Variants in FAF1 observed in about 807,000 individuals in gnomAD.
The protein encoded by FAF1 is FAS-associated factor 1.
A neutral mutation model predicts 92.5 loss-of-function variants in FAF1; 25 were observed. The ratio of observed to expected loss-of-function variants is 0.27; its 90% CI spans 0.20 to 0.38. The LOEUF is 0.38. Ranked by LOEUF, FAF1 falls within the 10% of genes least tolerant of loss-of-function variation. FAF1 has a pLI of 1.00. For synonymous variants in FAF1, 234 were observed against 273.2 expected (o/e 0.86, Z 1.42); for missense variants, 636 against 793.3 (o/e 0.80, Z 2.38).
In FAF1 at chr1:50,892,979, C is replaced by T. The variant is rs756190777; in HGVS notation, c.46-34982G>A. On this transcript the variant is annotated intron_variant, in intron 1 of 18. Transcript: ENST00000396153. ...TCTGATCAATTCTGCTACTAAAAGA[C>T]TTAAAATGCATTCTTGAGTAGTTCA... Among the ~76,000 whole-genome samples the T allele has an allele frequency of 7.5e-4, 114 of 152,202 alleles. 1 individual carries two copies. The highest frequency in any genetic ancestry group is 1.0e-3 in the Non-Finnish European group (69 of 68,028).
At chr1:50,793,521 A>G (rs550047247) in intron 3 of FAF1, among the ~76,000 whole-genome samples, 19 of 152,328 alleles carry the variant, frequency 1.2e-4, no homozygotes, top group African/African-American at 4.3e-4. Flanking sequence ...ATAATAGAAA[A>G]AAACACACTC....
At chr1:50,587,214 T>C (rs1651278803) in intron 9 of FAF1, among the ~76,000 whole-genome samples, 1 of 152,248 alleles carries the variant, frequency 6.6e-6, no homozygotes, top group Admixed American at 6.5e-5. Context: ...CCTTACTTCA[T>C]ACTAAGATAG....
chr1:50,940,469 TCTAAG>T (rs1329916442), intron 1 of FAF1, among the ~76,000 whole-genome samples: 1 of 152,166 alleles, frequency 6.6e-6, no homozygotes, highest in Non-Finnish European at 1.5e-5. Context: ...CAATATGTCG[TCTAAG>T]CTGTTATCAA....
Position 50,440,415 on chromosome 1 carries a change from CTTTCA to C in FAF1, c.*1020_*1024del, listed in dbSNP as rs1427298270. Reference sequence around the variant, plus strand: ...ATTTTTCAGCCACAGAATGAGATCCCTTTCATTTGAGTCCAATATCAAATACTAAA... The same window carrying C: ...ATTTTTCAGCCACAGAATGAGATCCCTTTGAGTCCAATATCAAATACTAAA... On this transcript the variant is annotated 3_prime_UTR_variant, in exon 19 of 19. Transcript: ENST00000396153. The C allele has an allele frequency of 1.3e-5, 2 of 152,210 alleles. No homozygotes were observed. Among genetic ancestry groups the C allele is most frequent in the Non-Finnish European group, 2.9e-5 (2 of 68,040 alleles). 9.4% of individuals were successfully genotyped at this position (152,210 alleles called of 1,614,324 possible).
At chr1:50,650,246 T>TG (rs1031474005) in intron 8 of FAF1, among the ~76,000 whole-genome samples, 2 of 141,910 alleles carry the variant, frequency 1.4e-5, no homozygotes, top group Non-Finnish European at 1.5e-5. Context: ...ATCACACCAT[T>TG]GCACTCCAGC....
At chr1:50,734,465 T>C (rs1659054513) in intron 6 of FAF1, among the ~76,000 whole-genome samples, 1 of 152,146 alleles carries the variant, frequency 6.6e-6, no homozygotes, top group Non-Finnish European at 1.5e-5. Context: ...CCGGCCAAGA[T>C]GGCTCAAGCC....
chr1:50,614,997 G>A (rs1652844959), intron 8 of FAF1, among the ~76,000 whole-genome samples: 3 of 152,148 alleles, frequency 2.0e-5, no homozygotes, highest in Non-Finnish European at 4.4e-5. Context: ...CACCCAGGTA[G>A]TGAGCATACT....
intron 18 of FAF1, among the ~76,000 whole-genome samples, chr1:50,470,576 TTTTC>T (rs1646559085): frequency 6.6e-6 from 1 of 152,242 alleles, no homozygotes; most frequent in African/African-American, 2.4e-5. Context: ...TGCTGCCACA[TTTTC>T]TTTAACTGTA....
intron 6 of FAF1, among the ~76,000 whole-genome samples, chr1:50,726,123 G>A (rs1395816628): frequency 2.6e-5 from 4 of 152,004 alleles, no homozygotes; most frequent in African/African-American, 9.7e-5. Flanking sequence ...AGGCACAGTG[G>A]TGGGCACCTG....
intron 2 of FAF1, among the ~76,000 whole-genome samples, chr1:50,812,961 G>A (rs1409164819): frequency 6.6e-6 from 1 of 152,032 alleles, no homozygotes. Context: ...CCAAACTAAC[G>A]CAGGTACAGA....
chr1:50,723,593 G>C (rs1322038592), intron 6 of FAF1, among the ~76,000 whole-genome samples: 1 of 151,804 alleles, frequency 6.6e-6, no homozygotes, highest in African/African-American at 2.4e-5. Context: ...ATTACCAAAA[G>C]AAAAAGCCAC....
At chr1:50,707,263 G>A (rs1008058005) in intron 6 of FAF1, among the ~76,000 whole-genome samples, 36 of 151,086 alleles carry the variant, frequency 2.4e-4, no homozygotes, top group Admixed American at 2.2e-3. Flanking sequence ...CTTCCATAGC[G>A]TTCACAGGTT....
chr1:50,769,569 G>A (rs1239067990), intron 4 of FAF1, among the ~76,000 whole-genome samples: 14 of 152,076 alleles, frequency 9.2e-5, no homozygotes, highest in Non-Finnish European at 1.6e-4. Flanking sequence ...AACCAAATCC[G>A]GCTGCACATC....
intron 17 of FAF1, among the ~76,000 whole-genome samples, chr1:50,485,682 A>C (rs1449443936): frequency 8.7e-5 from 13 of 148,954 alleles, no homozygotes; most frequent in Middle Eastern, 3.2e-3. Flanking sequence ...AAAAAAAAAA[A>C]AAAAAAAAAA....
chr1:50,469,739 G>A (rs1646547480), intron 18 of FAF1, among the ~76,000 whole-genome samples: 1 of 152,086 alleles, frequency 6.6e-6, no homozygotes, highest in Admixed American at 6.6e-5. Context: ...ATGACGACTT[G>A]GGCAGTGGTA....
At chr1:50,767,530 GAAATAAAAGACA>G (rs1243146756) in intron 4 of FAF1, among the ~76,000 whole-genome samples, 30 of 152,114 alleles carry the variant, frequency 2.0e-4, no homozygotes, top group Middle Eastern at 3.4e-3. Context: ...CTTAAAGGTC[GAAATAAAAGACA>G]AAATAAAAGA....
chr1:50,715,149 T>A (rs999631956), intron 6 of FAF1: 1 of 238,228 alleles, frequency 4.2e-6, no homozygotes, highest in African/African-American at 2.2e-5. Context: ...CAAAATATAA[T>A]CAGAATCACA....
At chr1:50,697,183 T>C (rs1657269337) in intron 7 of FAF1, among the ~76,000 whole-genome samples, 1 of 152,224 alleles carries the variant, frequency 6.6e-6, no homozygotes, top group Non-Finnish European at 1.5e-5. Flanking sequence ...GGTCTTATTT[T>C]CAGCCAATCA....
chr1:50,906,446 T>C (rs551109553), intron 1 of FAF1, among the ~76,000 whole-genome samples: 6 of 152,334 alleles, frequency 3.9e-5, no homozygotes, highest in East Asian at 1.9e-4. Flanking sequence ...GGGGATGGCA[T>C]TGAATCTATA....
Sources: allele counts gnomAD v4.1 joint callset (sites outside exome capture counted in the v4.1 genomes callset), GRCh38; gene constraint gnomAD v4.1.1; transcripts MANE v1.5; gene names NCBI Gene and HGNC (gene_info 2026-07-23, HGNC 2026-07-21).